Variants in NR5A1 observed in about 807,000 individuals in gnomAD.
NR5A1 encodes the protein nuclear receptor subfamily 5 group A member 1.
NR5A1 carries 6 observed loss-of-function variants against 42.7 expected under a neutral mutation model. The ratio of observed to expected loss-of-function variants is 0.14; its 90% CI spans 0.08 to 0.28. The LOEUF (loss-of-function observed/expected upper bound fraction) is 0.28, where lower values mean the gene tolerates loss of function less well. Ranked by LOEUF, NR5A1 falls within the 10% of genes least tolerant of loss-of-function variation. The pLI, the probability that NR5A1 is intolerant of heterozygous loss-of-function variation, is 1.00. For missense variants in NR5A1, 442 were observed against 626.4 expected (o/e 0.71, Z 3.14); for synonymous variants, 274 against 277.5 (o/e 0.99, Z 0.12).
intron 4 of NR5A1, among the ~76,000 whole-genome samples, chr9:124,495,255 G>C (rs1420272914): frequency 1.3e-5 from 2 of 152,184 alleles, no homozygotes; most frequent in African/African-American, 4.8e-5. Flanking sequence ...GGGCTGACTC[G>C]GCCATCTCTC....
At chr9:124,491,015 T>TCCCCCCCCC in intron 6 of NR5A1, 66 bp downstream of exon 6, 2 of 634,816 alleles carry the variant, frequency 3.2e-6, no homozygotes, top group East Asian at 3.9e-5. Context: ...CTCTCCAGCC[T>TCCCCCCCCC]CACCCACCCT....
At position 124,482,148 on chromosome 9, in the gene NR5A1, C is replaced by T. The variant is rs1470876102; in HGVS notation, c.*610G>A. On this transcript the variant is annotated 3_prime_UTR_variant, in exon 7 of 7. Coordinates refer to ENST00000373588, the MANE Select transcript of NR5A1 (RefSeq NM_004959.5). The stretch of plus-strand genomic sequence containing the variant: ...TATCAATGCCCCCTCTTGCAGAGGT[C>T]AGGTGGGGTAGAAGGGCTAGGGAGA... 1 of 159,172 alleles carries T rather than the reference C, an allele frequency of 6.3e-6. No individual in the cohort carries two copies. Among genetic ancestry groups the T allele is most frequent in the Admixed American group, 5.9e-5 (1 of 17,084 alleles). The allele number at this position is 159,172 out of a possible 1,614,324, so 9.9% of individuals were successfully genotyped here.
Position 124,503,023 on chromosome 9 carries a change from C to T in NR5A1, c.244+56G>A. 1 of 1,530,966 alleles carries T rather than the reference C, an allele frequency of 6.5e-7. No homozygotes were observed. Among genetic ancestry groups the T allele is most frequent in the Non-Finnish European group, 8.7e-7 (1 of 1,143,728 alleles). The allele number at this position is 1,530,966 out of a possible 1,614,324, so 94.8% of individuals were successfully genotyped here. On this transcript the variant is annotated intron_variant, in intron 3 of 6. Transcript: ENST00000373588. This position sits in a 1 kb window ranked among gnomAD's most constrained non-coding sequence, Gnocchi z 9.6. ...CCCCTCAGCCCCTCTCCCACCCCCA[C>T]CCCCTACCCCCTCAGGCTGTGGGGG... is the stretch of plus-strand genomic sequence containing the variant.
At chr9:124,497,220 A>G (rs1832402348) in intron 4 of NR5A1, among the ~76,000 whole-genome samples, 1 of 152,086 alleles carries the variant, frequency 6.6e-6, no homozygotes, top group Admixed American at 6.5e-5. Flanking sequence ...CCACAATCCA[A>G]TGGGGTGGAC....
rs1355894861 is a variant in NR5A1, at chr9:124,500,006, C to G, written c.870+84G>C. On this transcript the variant is annotated intron_variant, in intron 4 of 6. Transcript: ENST00000373588. The surrounding 1 kb of genome is among the most constrained non-coding windows in gnomAD (Gnocchi z 6.9). ...GCCTGAAGCCAGTGGGAAGGATGGC[C>G]CTATCCAAAGGACAGTCGGGCTAAG... 1.9e-6 allele frequency: 3 copies of G among 1,600,918 alleles called. No homozygotes were observed. The African/African-American group carries it at 4.0e-5, about 21-fold the overall frequency.
intron 4 of NR5A1, among the ~76,000 whole-genome samples, chr9:124,494,626 G>C (rs1345674884): frequency 6.6e-6 from 1 of 152,142 alleles, no homozygotes; most frequent in African/African-American, 2.4e-5. Context: ...CTGGCAAGGT[G>C]CTCCCCAAGA....
At chr9:124,506,176 G>C (rs1475994220) in intron 1 of NR5A1, among the ~76,000 whole-genome samples, 2 of 152,244 alleles carry the variant, frequency 1.3e-5, no homozygotes, top group African/African-American at 2.4e-5. Flanking sequence ...CTCACCCACA[G>C]AAGGAGCAGA....
intron 6 of NR5A1, among the ~76,000 whole-genome samples, chr9:124,484,887 T>G (rs2131270992): frequency 1.3e-5 from 2 of 151,676 alleles, no homozygotes; most frequent in African/African-American, 2.4e-5. Flanking sequence ...GTGGAGGGGG[T>G]TTGGCTCTGC....
In NR5A1 at chr9:124,503,039, G is replaced by A. The variant is rs1262523390; in HGVS notation, c.244+40C>T. On this transcript the variant is annotated intron_variant, in intron 3 of 6. Transcript: ENST00000373588. The surrounding 1 kb of genome is among the most constrained non-coding windows in gnomAD (Gnocchi z 9.6). ...CCACCCCCACCCCCTACCCCCTCAG[G>A]CTGTGGGGGGTCAGGGGTCGAGGCC... 6.5e-7 allele frequency: 1 copy of A among 1,541,012 alleles called. No homozygotes were observed. The highest frequency in any genetic ancestry group is 8.7e-7 in the Non-Finnish European group (1 of 1,148,114).
intron 4 of NR5A1, among the ~76,000 whole-genome samples, chr9:124,495,003 G>T (rs1032668564): frequency 1.3e-5 from 2 of 152,210 alleles, no homozygotes; most frequent in African/African-American, 4.8e-5. Context: ...GTGTCCTCAG[G>T]CAGACAGAAG....
At chr9:124,491,447 C>T (rs949591683) in intron 5 of NR5A1, among the ~76,000 whole-genome samples, 2 of 152,178 alleles carry the variant, frequency 1.3e-5, no homozygotes, top group African/African-American at 2.4e-5. Context: ...CTCCTCAACC[C>T]GCCAAGCCCG....
intron 4 of NR5A1, among the ~76,000 whole-genome samples, chr9:124,494,952 GCT>G: frequency 6.6e-6 from 1 of 152,310 alleles, no homozygotes; most frequent in South Asian, 2.1e-4. Context: ...GAAGCACCCC[GCT>G]CTCTGTTCCC....
chr9:124,488,204 C>G (rs10818978), intron 6 of NR5A1, among the ~76,000 whole-genome samples: 2 of 151,156 alleles, frequency 1.3e-5, no homozygotes, highest in Non-Finnish European at 2.9e-5. Context: ...GCCCCCACCC[C>G]CCGGAAGCCT....
intron 6 of NR5A1, among the ~76,000 whole-genome samples, chr9:124,487,434 A>G (rs985637336): frequency 7.9e-5 from 12 of 152,244 alleles, no homozygotes; most frequent in African/African-American, 2.9e-4. Context: ...TCAATCCATT[A>G]AGCTTCGATT....
At chr9:124,504,900 C>T (rs541624706) in intron 1 of NR5A1, among the ~76,000 whole-genome samples, 1 of 142,506 alleles carries the variant, frequency 7.0e-6, no homozygotes, top group Non-Finnish European at 1.6e-5. Context: ...TCCTGCCTCC[C>T]TGTTCCCCCC....
chr9:124,503,887 G>A lies in NR5A1; in HGVS notation c.-15-477C>T, dbSNP rs147520828. 6.6e-6 allele frequency among the ~76,000 whole-genome samples: 1 copy of A among 152,206 alleles called. No individual in the cohort carries two copies. Among genetic ancestry groups the A allele is most frequent in the East Asian group, 1.9e-4 (1 of 5,150 alleles). On this transcript the variant is annotated intron_variant, in intron 1 of 6. Coordinates refer to ENST00000373588, the MANE Select transcript of NR5A1 (RefSeq NM_004959.5). This position sits in a 1 kb window ranked among gnomAD's most constrained non-coding sequence, Gnocchi z 9.6. Reference sequence around the variant, plus strand: ...GCCAGAGATGGGAAGAAACTCTGGCGAGAGACAACGACCGACGCCACCGGG... The same window carrying A: ...GCCAGAGATGGGAAGAAACTCTGGCAAGAGACAACGACCGACGCCACCGGG...
At chr9:124,488,640 T>G (rs1452902641) in intron 6 of NR5A1, among the ~76,000 whole-genome samples, 1 of 152,248 alleles carries the variant, frequency 6.6e-6, no homozygotes, top group Non-Finnish European at 1.5e-5. Context: ...AGCCAAGCAC[T>G]GGGACACTTT....
intron 5 of NR5A1, among the ~76,000 whole-genome samples, chr9:124,491,544 G>A (rs1345642418): frequency 6.6e-6 from 1 of 152,134 alleles, no homozygotes; most frequent in Non-Finnish European, 1.5e-5. Context: ...AGCAGCTCAG[G>A]GGGCCCCTCT....
chr9:124,485,909 G>A (rs1832200446), intron 6 of NR5A1, among the ~76,000 whole-genome samples: 2 of 152,164 alleles, frequency 1.3e-5, no homozygotes, highest in African/African-American at 4.8e-5. Flanking sequence ...TTCATAATGG[G>A]GGTCCGGAGG....
Sources: allele counts gnomAD v4.1 joint callset (sites outside exome capture counted in the v4.1 genomes callset), GRCh38; gene constraint gnomAD v4.1.1; non-coding constraint Gnocchi (gnomAD v3.1); transcripts MANE v1.5; gene names NCBI Gene and HGNC (gene_info 2026-07-23, HGNC 2026-07-21).